The following CPM variants were observed in gnomAD, a reference collection of about 807,000 sequenced individuals.
The protein encoded by CPM is renal carboxypeptidase.
A neutral mutation model predicts 46.4 loss-of-function variants in CPM; 35 were observed. The observed-to-expected ratio is 0.75, with a 90% CI of 0.58 to 1.00. The LOEUF is 1.00. CPM is among the 50% of genes least tolerant of loss of function. The pLI, the probability that CPM is intolerant of heterozygous loss-of-function variation, is 0.00. For missense variants in CPM, 422 were observed against 530.4 expected (o/e 0.80, Z 2.01); for synonymous variants, 195 against 195.3 (o/e 1.00, Z 0.01).
intron 2 of CPM, among the ~76,000 whole-genome samples, 200 bp downstream of exon 2, chr12:68,932,478 C>T (rs528133140): frequency 6.6e-6 from 1 of 152,310 alleles, no homozygotes; most frequent in South Asian, 2.1e-4. Context: ...TTACAATGGA[C>T]AAGTCCAGTA....
chr12:68,842,261 G>T, exon 6 of CPM: 1 of 496,922 alleles, frequency 2.0e-6, no homozygotes, highest in Non-Finnish European at 4.0e-6. Context: ...AAGGACTACG[G>T]AAAGTTCAGG....
Position 68,939,310 on chromosome 12 carries a change from C to T in CPM, c.-3-6470G>A, listed in dbSNP as rs552697521. On this transcript the variant is annotated intron_variant, in intron 1 of 8. Coordinates refer to the CPM transcript ENST00000546373. Reference sequence around the variant, plus strand: ...ATATAGTATATGTATTATGTGTACACATACCTATATACATATTGTATTTAT... The same window carrying T: ...ATATAGTATATGTATTATGTGTACATATACCTATATACATATTGTATTTAT... 4.8e-5 allele frequency among the ~76,000 whole-genome samples: 7 copies of T among 147,020 alleles called. No homozygotes were observed. The East Asian group carries it at 7.9e-4, about 17-fold the overall frequency.
chr12:68,871,587 AAGT>A, intron 4 of CPM, 194 bp downstream of exon 4: 1 of 600,706 alleles, frequency 1.7e-6, no homozygotes, highest in East Asian at 2.8e-5. Flanking sequence ...CACCGGGGCA[AAGT>A]AGCCTTATTT....
chr12:68,883,765 T>G (rs777799694), intron 3 of CPM, among the ~76,000 whole-genome samples: 1 of 151,988 alleles, frequency 6.6e-6, no homozygotes, highest in Non-Finnish European at 1.5e-5. Flanking sequence ...ATAAAAAAAC[T>G]ACTAAAGACA....
At chr12:68,865,862 C>CT (rs1885419303) in intron 7 of CPM, among the ~76,000 whole-genome samples, 1 of 152,172 alleles carries the variant, frequency 6.6e-6, no homozygotes, top group South Asian at 2.1e-4. Context: ...CAATGGCTTT[C>CT]TAAGTATAGC....
upstream of CPM, among the ~76,000 whole-genome samples, chr12:68,937,169 C>T (rs1454734327): frequency 6.6e-6 from 1 of 152,134 alleles, no homozygotes; most frequent in Non-Finnish European, 1.5e-5. Context: ...CCATTCCTTG[C>T]TAGAAATTTA....
intron 6 of CPM, 93 bp from the exon 7 acceptor site, chr12:68,867,141 C>T: frequency 8.1e-7 from 1 of 1,234,152 alleles, no homozygotes; most frequent in Non-Finnish European, 1.2e-6. Flanking sequence ...CAGACAGCTA[C>T]ATGTAAACAG....
intron 7 of CPM, 138 bp from the exon 8 acceptor site, chr12:68,859,209 G>GA (rs1885106890): frequency 2.3e-6 from 1 of 440,410 alleles, no homozygotes; most frequent in East Asian, 3.9e-5. Context: ...GTTAGAGAGG[G>GA]AAAAAACTTA....
downstream of CPM, chr12:68,847,127 T>C (rs1263697168): frequency 7.2e-6 from 1 of 139,396 alleles, no homozygotes; most frequent in African/African-American, 2.8e-5. Flanking sequence ...ATATATATTA[T>C]ATATAATATA....
intron 1 of CPM, among the ~76,000 whole-genome samples, chr12:68,962,072 C>T (rs947479159): frequency 6.6e-5 from 10 of 151,812 alleles, no homozygotes; most frequent in South Asian, 4.2e-4. Flanking sequence ...CGGTGGTGGG[C>T]GCCTGTAGTC....
intron 2 of CPM, among the ~76,000 whole-genome samples, chr12:68,907,560 G>A (rs1887404704): frequency 1.3e-5 from 2 of 152,154 alleles, no homozygotes; most frequent in Admixed American, 1.3e-4. Context: ...AGACACTAAA[G>A]GGGTCATATG....
intron 2 of CPM, among the ~76,000 whole-genome samples, chr12:68,905,270 C>CTT (rs1034445314): frequency 6.6e-6 from 1 of 151,162 alleles, no homozygotes; most frequent in Admixed American, 6.6e-5. Flanking sequence ...TCAGAGAAAT[C>CTT]TTTTTTTTTC....
chr12:68,905,726 G>C (rs1462845692), intron 2 of CPM, among the ~76,000 whole-genome samples: 3 of 152,046 alleles, frequency 2.0e-5, no homozygotes, highest in Non-Finnish European at 4.4e-5. Context: ...GGAACTAAGA[G>C]GCTTAAGAAA....
At chr12:68,957,194 C>T (rs1037500137) in intron 1 of CPM, among the ~76,000 whole-genome samples, 46 of 152,102 alleles carry the variant, frequency 3.0e-4, no homozygotes, top group African/African-American at 1.1e-3. Context: ...AAAGCAGGTT[C>T]CCAGAGGAGA....
intron 2 of CPM, among the ~76,000 whole-genome samples, chr12:68,922,559 G>A (rs1888080188): frequency 6.6e-6 from 1 of 151,856 alleles, no homozygotes; most frequent in Non-Finnish European, 1.5e-5. Flanking sequence ...TCAACTCCGG[G>A]TAAGTGCGTG....
upstream of CPM, among the ~76,000 whole-genome samples, chr12:68,935,054 C>T (rs1215002118): frequency 2.0e-5 from 3 of 152,048 alleles, no homozygotes; most frequent in East Asian, 5.8e-4. Flanking sequence ...GGATTACAGG[C>T]ACCTGCCACC....
At chr12:68,932,059 T>C (rs1888534482) in intron 2 of CPM, among the ~76,000 whole-genome samples, 1 of 152,206 alleles carries the variant, frequency 6.6e-6, no homozygotes, top group Non-Finnish European at 1.5e-5. Context: ...TGGATACATT[T>C]TAAAAACAGC....
At chr12:68,868,545 G>T (rs1885556781) in intron 6 of CPM, among the ~76,000 whole-genome samples, 1 of 152,024 alleles carries the variant, frequency 6.6e-6, no homozygotes, top group Non-Finnish European at 1.5e-5. Flanking sequence ...CTCTCCTCCT[G>T]TCCTTCCACC....
chr12:68,909,833 TGG>T (rs1243163130), intron 2 of CPM, among the ~76,000 whole-genome samples: 1 of 4,952 alleles, frequency 2.0e-4, no homozygotes, highest in African/African-American at 5.7e-4. Flanking sequence ...TGGGGCCTGT[TGG>T]GGGGTGGGGG....
Sources: gnomAD v4.1 joint callset for allele counts (sites outside exome capture counted in the v4.1 genomes callset) on GRCh38, gnomAD v4.1.1 for gene constraint, MANE v1.5 for transcripts, NCBI Gene and HGNC (gene_info 2026-07-23, HGNC 2026-07-21) for gene names.